The following MICU2 variants were observed in gnomAD, a reference collection of about 807,000 sequenced individuals.
MICU2 encodes calcium uptake protein 2, mitochondrial.
In MICU2, 64 loss-of-function variants were observed where a neutral mutation model predicts 60.4. That is an observed-to-expected ratio of 1.06 (90% CI 0.87 to 1.31). MICU2 has a LOEUF of 1.31. Among genes scored for constraint, MICU2 ranks in the 50% most tolerant of loss-of-function variants. The pLI is 0.00. For missense variants in MICU2, 569 were observed against 531.0 expected, an observed-to-expected ratio of 1.07 and a Z score of -0.70; for synonymous variants, 201 against 175.0, an observed-to-expected ratio of 1.15 and a Z score of -1.17.
At chr13:21,535,648 C>CA (rs34870204) in intron 4 of MICU2, among the ~76,000 whole-genome samples, 1 of 151,882 alleles carries the variant, frequency 6.6e-6, no homozygotes, top group East Asian at 1.9e-4. Context: ...TTAAATCTTA[C>CA]AAAAAAATAT....
Position 21,573,959 on chromosome 13 carries a change from A to G in MICU2, c.211-7015T>C, listed in dbSNP as rs75168526. Among the ~76,000 whole-genome samples, 3 of 152,358 alleles carry G rather than the reference A, an allele frequency of 2.0e-5. No homozygotes were observed. In the East Asian group the frequency reaches 5.8e-4, roughly 29 times the overall value. On this transcript the variant is annotated intron_variant, in intron 1 of 11. Transcript: ENST00000382374. Reference sequence around the variant, plus strand: ...CATTTCAGAAGGAGTGGAACAAAAAATATTAATCTTAACCTTCATTTGAGA... The same window carrying G: ...CATTTCAGAAGGAGTGGAACAAAAAGTATTAATCTTAACCTTCATTTGAGA...
At chr13:21,589,938 G>A (rs376848596) in intron 1 of MICU2, among the ~76,000 whole-genome samples, 3 of 152,270 alleles carry the variant, frequency 2.0e-5, no homozygotes, top group South Asian at 2.1e-4. Flanking sequence ...CCATTGTTCC[G>A]TCTGTAAGGG....
chr13:21,497,438 G>A (rs897343743), intron 9 of MICU2, among the ~76,000 whole-genome samples: 3 of 152,086 alleles, frequency 2.0e-5, no homozygotes, highest in African/African-American at 7.2e-5. Flanking sequence ...GCTGGGTACG[G>A]TGGTTCCTGA....
intron 1 of MICU2, among the ~76,000 whole-genome samples, chr13:21,573,011 C>T (rs1448442414): frequency 3.9e-5 from 6 of 152,120 alleles, no homozygotes; most frequent in South Asian, 2.1e-4. Flanking sequence ...ATACACCACA[C>T]GCCTCATACT....
chr13:21,569,342 C>T (rs1034229819), intron 1 of MICU2, among the ~76,000 whole-genome samples: 5 of 152,112 alleles, frequency 3.3e-5, no homozygotes, highest in African/African-American at 9.7e-5. Flanking sequence ...CCTTTCAACT[C>T]CCACTGGCAG....
At chr13:21,555,133 C>G (rs1468972322) in intron 2 of MICU2, among the ~76,000 whole-genome samples, 1 of 152,100 alleles carries the variant, frequency 6.6e-6, no homozygotes. Flanking sequence ...CTATTCCAAT[C>G]AATAGAAAAA....
chr13:21,590,659 C>T (rs984218721), intron 1 of MICU2, among the ~76,000 whole-genome samples: 5 of 152,132 alleles, frequency 3.3e-5, no homozygotes, highest in Admixed American at 6.5e-5. Flanking sequence ...TCGAGACCAT[C>T]GTGGCCAACA....
intron 9 of MICU2, among the ~76,000 whole-genome samples, chr13:21,499,538 GTAGCTGGGACTACAGGCACCCGCCACCAC>G (rs1207277033): frequency 6.6e-6 from 1 of 151,248 alleles, no homozygotes; most frequent in Non-Finnish European, 1.5e-5. Context: ...TGCCTCCCGA[GTAGCTGGGACTACAGGCACCCGCCACCAC>G]GCCTGTCTAA....
At chr13:21,570,862 C>T (rs1311450598) in intron 1 of MICU2, among the ~76,000 whole-genome samples, 1 of 152,198 alleles carries the variant, frequency 6.6e-6, no homozygotes, top group African/African-American at 2.4e-5. Flanking sequence ...GGCTAAGGTC[C>T]AAATGCTGCT....
At chr13:21,505,483 C>T (rs770498890) in intron 8 of MICU2, among the ~76,000 whole-genome samples, 1 of 152,036 alleles carries the variant, frequency 6.6e-6, no homozygotes, top group East Asian at 1.9e-4. Context: ...AATAAAAGCA[C>T]ACCAAAATTC....
At chr13:21,507,325 G>A (rs1414207267) in intron 8 of MICU2, among the ~76,000 whole-genome samples, 1 of 152,154 alleles carries the variant, frequency 6.6e-6, no homozygotes, top group Non-Finnish European at 1.5e-5. Flanking sequence ...GAATCGTAAA[G>A]TGAAGTAGAG....
chr13:21,587,591 T>G (rs528858558), intron 1 of MICU2, among the ~76,000 whole-genome samples: 2 of 152,182 alleles, frequency 1.3e-5, no homozygotes, highest in Non-Finnish European at 2.9e-5. Flanking sequence ...AAACTGCAAA[T>G]GCAAGTAGGC....
chr13:21,597,930 C>A (rs1416122404), intron 1 of MICU2, among the ~76,000 whole-genome samples: 1,055 of 84,634 alleles, frequency 0.012, no homozygotes, highest in South Asian at 0.018. Context: ...GACTCTGTCT[C>A]AAAAAAAAAA....
chr13:21,503,800 G>A (rs146274022), intron 8 of MICU2, among the ~76,000 whole-genome samples: 170 of 152,298 alleles, frequency 1.1e-3, no homozygotes, highest in African/African-American at 3.8e-3. Flanking sequence ...CCTAAATCAT[G>A]TGAAAAGTAT....
chr13:21,565,206 C>G (rs927832828), intron 2 of MICU2, among the ~76,000 whole-genome samples: 6 of 152,158 alleles, frequency 3.9e-5, no homozygotes, highest in African/African-American at 1.4e-4. Flanking sequence ...TGCTAGTATA[C>G]ACAAACTTCC....
chr13:21,598,295 G>A (rs1407991167), intron 1 of MICU2, among the ~76,000 whole-genome samples: 6 of 152,092 alleles, frequency 3.9e-5, no homozygotes, highest in East Asian at 1.9e-4. Context: ...TGCAATTAAC[G>A]AGTGAACAAT....
intron 6 of MICU2, among the ~76,000 whole-genome samples, chr13:21,518,846 TTTGA>T (rs1886645918): frequency 6.6e-6 from 1 of 152,202 alleles, no homozygotes; most frequent in Non-Finnish European, 1.5e-5. Flanking sequence ...ATTTGAGATA[TTTGA>T]TTAAGTCCTC....
intron 5 of MICU2, 43 bp from the exon 6 acceptor site, chr13:21,521,370 C>A (rs188665838): frequency 4.6e-6 from 7 of 1,536,348 alleles, no homozygotes; most frequent in Non-Finnish European, 6.2e-6. Flanking sequence ...TTGATGAAAA[C>A]CAAGTTATTT....
intron 1 of MICU2, among the ~76,000 whole-genome samples, chr13:21,584,165 G>A (rs1888408811): frequency 6.6e-6 from 1 of 152,136 alleles, no homozygotes; most frequent in Non-Finnish European, 1.5e-5. Context: ...TGGGGCGGGT[G>A]GATCATGAGG....
Sources: gnomAD v4.1 joint callset for allele counts (sites outside exome capture counted in the v4.1 genomes callset) on GRCh38, gnomAD v4.1.1 for gene constraint, MANE v1.5 for transcripts, NCBI Gene and HGNC (gene_info 2026-07-23, HGNC 2026-07-21) for gene names.